The following TRAF4 variants were observed in gnomAD, a reference collection of about 807,000 sequenced individuals.
The protein encoded by TRAF4 is TNF receptor-associated factor 4.
A neutral mutation model predicts 47.3 loss-of-function variants in TRAF4; 9 were observed. The observed-to-expected ratio is 0.19, with a 90% CI of 0.11 to 0.33. TRAF4 has a LOEUF of 0.33. Among genes scored for constraint, TRAF4 ranks in the 10% least tolerant of loss-of-function variants. The pLI is 1.00. For synonymous variants in TRAF4, 236 were observed against 236.9 expected (o/e 1.00, Z 0.04); for missense variants, 448 against 620.3 (o/e 0.72, Z 2.95).
chr17:28,745,838 C>T (rs1280216026), intron 1 of TRAF4, among the ~76,000 whole-genome samples: 1 of 152,188 alleles, frequency 6.6e-6, no homozygotes, highest in Non-Finnish European at 1.5e-5. Context: ...TAAGCTTCTG[C>T]CTGAAGCCTA....
rs1282605834 is a variant in TRAF4, at chr17:28,748,006, C to T, written c.301-11C>T. 5 of 1,614,160 alleles carry T rather than the reference C, an allele frequency of 3.1e-6. No individual in the cohort carries two copies. Among genetic ancestry groups the T allele is most frequent in the Non-Finnish European group, 4.2e-6 (5 of 1,180,026 alleles). Reference sequence around the variant, plus strand: ...TCCCTTGGCAGGCACTAATTGCAGCCTTCCCACCAGGGCCACCTGAATACC... The same window carrying T: ...TCCCTTGGCAGGCACTAATTGCAGCTTTCCCACCAGGGCCACCTGAATACC... On this transcript the variant is annotated splice_polypyrimidine_tract_variant and intron_variant, in intron 3 of 6. Coordinates refer to ENST00000262395, the MANE Select transcript of TRAF4 (RefSeq NM_004295.4).
In TRAF4 at chr17:28,748,025, G is replaced by A; in HGVS notation, c.309G>A (p.Leu103=). 6.2e-7 allele frequency: 1 copy of A among 1,614,152 alleles called. No homozygotes were observed. Among genetic ancestry groups the A allele is most frequent in the African/African-American group, 1.3e-5 (1 of 75,054 alleles). Residue 103 remains leucine, a synonymous_variant, in exon 4 of 7, where the codon CTG becomes CTA. Coordinates refer to ENST00000262395, the MANE Select transcript of TRAF4 (RefSeq NM_004295.4). ...TGCAGCCTTCCCACCAGGGCCACCTGAATACCTGCAGCTTCAATGTCATTC... is the reference window on the plus strand; with the variant it reads ...TGCAGCCTTCCCACCAGGGCCACCTAAATACCTGCAGCTTCAATGTCATTC... The part of the protein sequence containing the change: ...SGPLRHLQGH[L]NTCSFNVIPC...
intron 1 of TRAF4, chr17:28,744,824 C>T (rs959247558): frequency 3.9e-5 from 6 of 153,032 alleles, no homozygotes; most frequent in Non-Finnish European, 8.8e-5. Context: ...ACTGAATCCT[C>T]CCCCGAAGAA....
At position 28,748,173 on chromosome 17, in the gene TRAF4, T is replaced by G. The variant is rs911939473; in HGVS notation, c.457T>G (p.Tyr153Asp). ...FCGCDFSGEA[Y>D]ESHEGMCPQE... is the part of the protein sequence containing the mutation. The stretch of plus-strand genomic sequence containing the variant: ...TGGCTGTGACTTCAGTGGGGAGGCC[T>G]ATGAGGTGGGTGGGGTCTGGCTGAA... The change falls in exon 4 of 7, where the codon TAT becomes GAT. Residue 153 changes from tyrosine to aspartate, a missense_variant. Transcript: ENST00000262395. 1 of 1,613,830 alleles carries G rather than the reference T, an allele frequency of 6.2e-7. No homozygotes were observed. Among genetic ancestry groups the G allele is most frequent in the African/African-American group, 1.3e-5 (1 of 75,014 alleles).
intron 1 of TRAF4, among the ~76,000 whole-genome samples, chr17:28,745,995 C>T (rs1266987578): frequency 6.6e-6 from 1 of 152,262 alleles, no homozygotes; most frequent in African/African-American, 2.4e-5. Flanking sequence ...GGCTGGTTGC[C>T]CTGTGGGCAG....
rs766707940 is a variant in TRAF4 at position 28,748,079 on chromosome 17, G to C, written c.363G>C (p.Leu121=). The change falls in exon 4 of 7, where the codon CTG becomes CTC. Residue 121 remains leucine (L), a synonymous_variant. Coordinates refer to ENST00000262395, the MANE Select transcript of TRAF4 (RefSeq NM_004295.4). ...GCCCTAATCGCTGCCCCATGAAGCT[G>C]AGCCGCCGTGATCTACCTGCACACT... The part of the protein sequence containing the change: ...IPCPNRCPMK[L]SRRDLPAHLQ... The C allele has an allele frequency of 6.2e-7, 1 of 1,614,044 alleles. No homozygotes were observed. The highest frequency in any genetic ancestry group is 1.1e-5 in the South Asian group (1 of 91,088).
In TRAF4 at chr17:28,748,317, C is replaced by T. The variant is rs2034547595; in HGVS notation, c.518C>T (p.Ala173Val). 2.5e-6 allele frequency: 4 copies of T among 1,613,784 alleles called. No homozygotes were observed. In the East Asian group the frequency reaches 8.9e-5, roughly 36 times the overall value. The part of the protein sequence containing the change: ...ESVYCENKCG[A>V]RMMRRLLAQH... ...GTCTACTGTGAGAATAAGTGTGGTG[C>T]CCGCATGATGCGGCGGCTGCTGGCC... The change falls in exon 5 of 7, where the codon GCC becomes GTC. Residue 173 changes from alanine (A) to valine (V), a missense_variant. Ala to Val is a moderately conservative substitution (Grantham distance 64). Transcript: ENST00000262395.
intron 6 of TRAF4, 76 bp from the exon 7 acceptor site, chr17:28,748,869 C>A: frequency 6.6e-7 from 1 of 1,521,540 alleles, no homozygotes; most frequent in Non-Finnish European, 8.8e-7. Flanking sequence ...CCTGTACCCA[C>A]TCCTCTCCTC....
intron 6 of TRAF4, 58 bp from the exon 7 acceptor site, chr17:28,748,887 A>G (rs2034557303): frequency 6.5e-7 from 1 of 1,549,064 alleles, no homozygotes; most frequent in East Asian, 2.3e-5. Context: ...CTCTCCCTGG[A>G]CCTCCCCCTA....
At chr17:28,744,673 C>T (rs1230849971) in intron 1 of TRAF4, 5 of 183,892 alleles carry the variant, frequency 2.7e-5, no homozygotes, top group East Asian at 1.8e-4. Context: ...GTTCAGAGAA[C>T]GGTAGCTATT....
chr17:28,748,188 G>C lies in TRAF4; in HGVS notation c.462+10G>C, dbSNP rs1272248106. 6.2e-7 allele frequency: 1 copy of C among 1,613,854 alleles called. No homozygotes were observed. Among genetic ancestry groups the C allele is most frequent in the African/African-American group, 1.3e-5 (1 of 75,050 alleles). ...TGGGGAGGCCTATGAGGTGGGTGGG[G>C]TCTGGCTGAATGTGGAGGAGGGGGT... is the stretch of plus-strand genomic sequence containing the variant. On this transcript the variant is annotated intron_variant, in intron 4 of 6. Transcript: ENST00000262395.
rs148800124 is a variant in TRAF4 at position 28,744,563 on chromosome 17, T to A, written c.143+308T>A. 8.6e-3 allele frequency: 2,640 copies of A among 307,544 alleles called. 32 individuals are homozygous for A. The highest frequency in any genetic ancestry group is 0.012 in the Middle Eastern group (12 of 980). 19.1% of individuals were successfully genotyped at this position (307,544 alleles called of 1,614,324 possible). A position where few individuals can be genotyped will look rare whatever the true frequency, so the allele number is the denominator to read the frequency against. On this transcript the variant is annotated intron_variant, in intron 1 of 6. Transcript: ENST00000262395. ...CTGAGAGCCGGCGCGGCCTCAGCCTTGAACTTTGAATCCTGGGGGAAGAGG... is the reference window on the plus strand; with the variant it reads ...CTGAGAGCCGGCGCGGCCTCAGCCTAGAACTTTGAATCCTGGGGGAAGAGG...
At position 28,750,057 on chromosome 17, in the gene TRAF4, T is replaced by G. The variant is rs2034579963; in HGVS notation, c.*480T>G. ...ACAGCAGGGGAGCCCTGATTTTTAA[T>G]AAATCCGGAATTGTATTTATTAATT... is the stretch of plus-strand genomic sequence containing the variant. On this transcript the variant is annotated 3_prime_UTR_variant, in exon 7 of 7. Coordinates refer to ENST00000262395, the MANE Select transcript of TRAF4 (RefSeq NM_004295.4). 1.7e-6 allele frequency: 1 copy of G among 586,982 alleles called. No homozygotes were observed. Among genetic ancestry groups the G allele is most frequent in the Non-Finnish European group, 3.0e-6 (1 of 328,918 alleles). The allele number at this position is 586,982 out of a possible 1,614,324, so 36.4% of individuals were successfully genotyped here.
chr17:28,747,615 T>A (rs1597813088), intron 2 of TRAF4: 1 of 594,000 alleles, frequency 1.7e-6, no homozygotes, highest in South Asian at 2.1e-5. Context: ...TTGAGCAGGC[T>A]GATTGGCTGC....
At position 28,749,247 on chromosome 17, in the gene TRAF4, A is replaced by G; in HGVS notation, c.1083A>G (p.Thr361=). Residue 361 remains threonine, a synonymous_variant, in exon 7 of 7, where the codon ACA becomes ACG. Coordinates refer to ENST00000262395, the MANE Select transcript of TRAF4 (RefSeq NM_004295.4). ...ATGGCAATGGCAGTGGTGAGGGCAC[A>G]CACCTCTCACTGTACATTCGTGTGC... ...FLNGNGSGEG[T]HLSLYIRVLP... is the part of the protein sequence containing the mutation. 6.2e-7 allele frequency: 1 copy of G among 1,614,096 alleles called. No individual in the cohort carries two copies. The highest frequency in any genetic ancestry group is 1.1e-5 in the South Asian group (1 of 91,088).
chr17:28,748,092 C>G lies in TRAF4; in HGVS notation c.376C>G (p.Leu126Val), dbSNP rs1260477382. Reference sequence around the variant, plus strand: ...CCCCATGAAGCTGAGCCGCCGTGATCTACCTGCACACTTGCAGCATGACTG... The same window carrying G: ...CCCCATGAAGCTGAGCCGCCGTGATGTACCTGCACACTTGCAGCATGACTG... ...RCPMKLSRRDLPAHLQHDCPK... is the reference protein window; with the variant it reads ...RCPMKLSRRDVPAHLQHDCPK... The change falls in exon 4 of 7, where the codon CTA becomes GTA. Residue 126 changes from leucine to valine, a missense_variant. By Grantham distance (32) the Leu-to-Val change is conservative. Coordinates refer to ENST00000262395, the MANE Select transcript of TRAF4 (RefSeq NM_004295.4). 1 of 1,613,994 alleles carries G rather than the reference C, an allele frequency of 6.2e-7. No individual in the cohort carries two copies. Among genetic ancestry groups the G allele is most frequent in the African/African-American group, 1.3e-5 (1 of 74,952 alleles).
chr17:28,747,341 G>T, intron 2 of TRAF4, 77 bp downstream of exon 2: 2 of 1,548,694 alleles, frequency 1.3e-6, no homozygotes, highest in Non-Finnish European at 1.8e-6. Context: ...CAGCCAGTGG[G>T]CTCAGGGCCA....
chr17:28,744,401 G>GA, intron 1 of TRAF4, 146 bp downstream of exon 1: 1 of 979,292 alleles, frequency 1.0e-6, no homozygotes, highest in Non-Finnish European at 1.4e-6. Flanking sequence ...CACGGGGAGG[G>GA]ATGACGTCAA....
At position 28,748,972 on chromosome 17, in the gene TRAF4, G is replaced by A. The variant is rs1194977545; in HGVS notation, c.808G>A (p.Val270Met). The A allele has an allele frequency of 6.2e-7, 1 of 1,612,928 alleles. No homozygotes were observed. ...CCCTAAGCTGGCAATGGCACGGCATGTGGAGGAGAGTGTGAAGCCACATCT... is the reference window on the plus strand; with the variant it reads ...CCCTAAGCTGGCAATGGCACGGCATATGGAGGAGAGTGTGAAGCCACATCT... ...RCPKLAMARH[V>M]EESVKPHLAM... The change falls in exon 7 of 7, where the codon GTG (valine) becomes ATG (methionine). Residue 270 changes from valine (V) to methionine (M), a missense_variant. Val to Met is a conservative substitution (Grantham distance 21). Coordinates refer to ENST00000262395, the MANE Select transcript of TRAF4 (RefSeq NM_004295.4).
Sources: gnomAD v4.1 joint callset for allele counts (sites outside exome capture counted in the v4.1 genomes callset) on GRCh38, gnomAD v4.1.1 for gene constraint, MANE v1.5 for transcripts, NCBI Gene and HGNC (gene_info 2026-07-23, HGNC 2026-07-21) for gene names.